Variants in ATG10 observed in about 807,000 individuals in gnomAD.
ATG10 encodes autophagy related 10, also known as ubiquitin-like-conjugating enzyme ATG10.
Under a neutral mutation model 32.1 loss-of-function variants are expected in ATG10, and 30 were observed. The ratio of observed to expected loss-of-function variants is 0.94; its 90% CI spans 0.70 to 1.27. ATG10 has a LOEUF of 1.27. Ranked by LOEUF, ATG10 falls within the 50% of genes most tolerant of loss-of-function variation. The pLI is 0.00. For missense variants in ATG10, 233 were observed against 262.3 expected, an observed-to-expected ratio of 0.89 and a Z score of 0.77; for synonymous variants, 87 against 91.5, an observed-to-expected ratio of 0.95 and a Z score of 0.28.
At chr5:82,013,209 C>T (rs1762175678) in intron 2 of ATG10, among the ~76,000 whole-genome samples, 1 of 152,136 alleles carries the variant, frequency 6.6e-6, no homozygotes, top group South Asian at 2.1e-4. Context: ...CCTTGGCCTC[C>T]CAAAGTGCTG....
At chr5:82,164,661 G>A (rs1336857777) in intron 4 of ATG10, 124 bp downstream of exon 4, 1 of 960,624 alleles carries the variant, frequency 1.0e-6, no homozygotes, top group Admixed American at 2.9e-5. Flanking sequence ...CTGTGGGTGA[G>A]GTAAGGTTTT....
chr5:82,152,778 A>G (rs1767655691), intron 3 of ATG10, among the ~76,000 whole-genome samples: 1 of 152,306 alleles, frequency 6.6e-6, no homozygotes, highest in Admixed American at 6.5e-5. Flanking sequence ...ATACATATTC[A>G]TAATTGATCA....
chr5:82,221,568 C>T (rs1012740804), intron 5 of ATG10, among the ~76,000 whole-genome samples: 4 of 152,126 alleles, frequency 2.6e-5, no homozygotes, highest in Non-Finnish European at 5.9e-5. Flanking sequence ...CCATCTATTA[C>T]ACTGAGGCTT....
chr5:82,040,171 C>T (rs1412643506), intron 2 of ATG10, among the ~76,000 whole-genome samples: 1 of 152,084 alleles, frequency 6.6e-6, no homozygotes, highest in Non-Finnish European at 1.5e-5. Context: ...ACAGGCTAGC[C>T]CATTTTCAGG....
At chr5:82,226,379 T>C (rs973035527) in intron 5 of ATG10, among the ~76,000 whole-genome samples, 2 of 152,178 alleles carry the variant, frequency 1.3e-5, no homozygotes, top group Non-Finnish European at 2.9e-5. Context: ...CTTTTTTTTT[T>C]CTTTCTAATT....
intron 5 of ATG10, among the ~76,000 whole-genome samples, chr5:82,187,332 G>A (rs983360183): frequency 1.3e-5 from 2 of 151,756 alleles, no homozygotes; most frequent in Non-Finnish European, 2.9e-5. Flanking sequence ...CTAACATGGG[G>A]AAACCCTGTC....
At chr5:82,229,956 A>G (rs745732880) in intron 5 of ATG10, among the ~76,000 whole-genome samples, 1 of 152,176 alleles carries the variant, frequency 6.6e-6, no homozygotes, top group Non-Finnish European at 1.5e-5. Context: ...TTGGCAAACT[A>G]TTTTTGAAAA....
chr5:82,139,131 C>T (rs1190959672), intron 3 of ATG10, among the ~76,000 whole-genome samples: 2 of 145,470 alleles, frequency 1.4e-5, no homozygotes, highest in Non-Finnish European at 3.0e-5. Flanking sequence ...GACGGAGTCT[C>T]GTTCACTCAG....
intron 2 of ATG10, among the ~76,000 whole-genome samples, chr5:82,024,443 A>G (rs976084179): frequency 6.6e-6 from 1 of 152,200 alleles, no homozygotes; most frequent in Non-Finnish European, 1.5e-5. Context: ...AGTAATTTCT[A>G]TGTCTGTTTA....
chr5:82,076,222 G>C (rs1764269811), intron 3 of ATG10, among the ~76,000 whole-genome samples: 1 of 152,164 alleles, frequency 6.6e-6, no homozygotes, highest in African/African-American at 2.4e-5. Context: ...CTAGGAAATA[G>C]TGACACACTT....
At chr5:82,079,594 C>G (rs2149779515) in intron 3 of ATG10, among the ~76,000 whole-genome samples, 1 of 152,148 alleles carries the variant, frequency 6.6e-6, no homozygotes, top group African/African-American at 2.4e-5. Flanking sequence ...CAATTCCCAC[C>G]TATGAGTGAG....
rs145441113 is a variant in ATG10, at chr5:82,198,310, G to A, written c.453+19723G>A. On this transcript the variant is annotated intron_variant, in intron 5 of 7. Transcript: ENST00000282185. ...TGCTAAGTCGCCCAGGCTGGAGTAC[G>A]GTGACAGGATCGTGGCTCACTGAAG... Among the ~76,000 whole-genome samples the A allele has an allele frequency of 2.0e-3, 302 of 152,262 alleles. 2 individuals are homozygous for A. Among genetic ancestry groups the A allele is most frequent in the African/African-American group, 6.8e-3 (283 of 41,564 alleles).
Position 81,972,079 on chromosome 5 carries a change from C to T in ATG10, c.-240C>T, listed in dbSNP as rs946052787. The stretch of plus-strand genomic sequence containing the variant: ...GACCTGACTGAAGGAGGCCGCGGAC[C>T]TGACTGAAGGAGGCCACGGCCACTT... On this transcript the variant is annotated 5_prime_UTR_variant, in exon 1 of 8. Transcript: ENST00000282185. The T allele has an allele frequency of 5.9e-5, 9 of 152,102 alleles. No homozygotes were observed. The highest frequency in any genetic ancestry group is 1.3e-4 in the Non-Finnish European group (9 of 68,004). The allele number at this position is 152,102 out of a possible 1,614,324, so 9.4% of individuals were successfully genotyped here. A position where few individuals can be genotyped will look rare whatever the true frequency, so the allele number is the denominator to read the frequency against.
At chr5:82,204,396 GTT>G (rs1050343623) in intron 5 of ATG10, among the ~76,000 whole-genome samples, 3 of 152,186 alleles carry the variant, frequency 2.0e-5, no homozygotes, top group African/African-American at 7.2e-5. Context: ...AATAATGCCA[GTT>G]TATTTATCTT....
At chr5:82,025,101 A>G (rs569376898) in intron 2 of ATG10, among the ~76,000 whole-genome samples, 9 of 152,338 alleles carry the variant, frequency 5.9e-5, no homozygotes, top group African/African-American at 2.2e-4. Context: ...ATGAATGACA[A>G]GTTTCATTTA....
At chr5:82,195,537 C>CA (rs1274850684) in intron 5 of ATG10, among the ~76,000 whole-genome samples, 1 of 152,098 alleles carries the variant, frequency 6.6e-6, no homozygotes, top group African/African-American at 2.4e-5. Context: ...CGTGTGCTCC[C>CA]ATTCCTTCCT....
At chr5:82,139,107 G>C (rs1453230437) in intron 3 of ATG10, among the ~76,000 whole-genome samples, 1 of 146,612 alleles carries the variant, frequency 6.8e-6, no homozygotes, top group Non-Finnish European at 1.5e-5. Context: ...GCCTCCCGAG[G>C]TGCCGGGATT....
rs1747441457 is a variant in ATG10 at position 82,255,823 on chromosome 5, C to CAGCA, written c.*1761_*1764dup. On this transcript the variant is annotated 3_prime_UTR_variant, in exon 8 of 8. Transcript: ENST00000282185. ...ACCAGTGGATCACCGAGCACCGTGA[C>CAGCA]AGCACCCTCAGTCCACGTCTGCAGA... 1 of 152,252 alleles carries CAGCA rather than the reference C, an allele frequency of 6.6e-6. No homozygotes were observed. The highest frequency in any genetic ancestry group is 6.5e-5 in the Admixed American group (1 of 15,292). The allele number at this position is 152,252 out of a possible 1,614,324, so 9.4% of individuals were successfully genotyped here. A position where few individuals can be genotyped will look rare whatever the true frequency, so the allele number is the denominator to read the frequency against.
chr5:82,098,989 C>T (rs1176707723), intron 3 of ATG10, among the ~76,000 whole-genome samples: 1 of 152,188 alleles, frequency 6.6e-6, no homozygotes, highest in Non-Finnish European at 1.5e-5. Flanking sequence ...CTTGAACTGA[C>T]ATGAACCATG....
Sources: gnomAD v4.1 joint callset for allele counts (sites outside exome capture counted in the v4.1 genomes callset) on GRCh38, gnomAD v4.1.1 for gene constraint, MANE v1.5 for transcripts, NCBI Gene and HGNC (gene_info 2026-07-23, HGNC 2026-07-21) for gene names.